The following RGS6 variants were observed in gnomAD, a reference collection of about 807,000 sequenced individuals.
The protein encoded by RGS6 is regulator of G protein signaling 6, also known as regulator of G-protein signaling 6.
RGS6 carries 30 observed loss-of-function variants against 78.5 expected under a neutral mutation model. The ratio of observed to expected loss-of-function variants is 0.38; its 90% CI spans 0.29 to 0.52. RGS6 has a LOEUF of 0.52. Ranked by LOEUF, RGS6 falls within the 20% of genes least tolerant of loss-of-function variation. The pLI, the probability that RGS6 is intolerant of heterozygous loss-of-function variation, is 0.85. For synonymous variants in RGS6, 206 were observed against 206.0 expected (o/e 1.00, Z 0.00); for missense variants, 495 against 609.7 (o/e 0.81, Z 1.98).
At chr14:72,383,803 G>T (rs530649166) in intron 3 of RGS6, among the ~76,000 whole-genome samples, 5 of 151,558 alleles carry the variant, frequency 3.3e-5, no homozygotes, top group African/African-American at 9.7e-5. Flanking sequence ...TTCAAAGGGT[G>T]GGGGGGGACG....
intron 2 of RGS6, among the ~76,000 whole-genome samples, chr14:72,119,255 A>G (rs1401783719): frequency 4.6e-5 from 7 of 152,156 alleles, no homozygotes; most frequent in African/African-American, 7.2e-5. Flanking sequence ...GCTTTTTAAC[A>G]CAGTTGAAGA....
intron 2 of RGS6, among the ~76,000 whole-genome samples, chr14:71,992,011 G>T (rs965068735): frequency 7.2e-6 from 1 of 138,220 alleles, no homozygotes; most frequent in Admixed American, 8.2e-5. Flanking sequence ...GCCTATGCTT[G>T]TCTAGAATAT....
At chr14:72,295,432 C>T (rs1382485627) in intron 2 of RGS6, among the ~76,000 whole-genome samples, 1 of 152,110 alleles carries the variant, frequency 6.6e-6, no homozygotes, top group African/African-American at 2.4e-5. Flanking sequence ...CTCCCCAGAT[C>T]CGGCTGGCCC....
rs867117534 is a variant in RGS6 at position 72,122,257 on chromosome 14, G to A, written c.84+157382G>A. On this transcript the variant is annotated intron_variant, in intron 2 of 17. Coordinates refer to ENST00000553525, the MANE Select transcript of RGS6 (RefSeq NM_001204424.2). ...TCTGACTGGGTCAGGTAGCCACTGA[G>A]CAAACTGGAATAGGCCTTTCTGCAG... Among the ~76,000 whole-genome samples, 5 of 152,146 alleles carry A rather than the reference G, an allele frequency of 3.3e-5. No homozygotes were observed. The South Asian group carries it at 1.0e-3, about 32-fold the overall frequency.
At chr14:72,387,235 T>A (rs1165347790) in intron 3 of RGS6, among the ~76,000 whole-genome samples, 1 of 152,126 alleles carries the variant, frequency 6.6e-6, no homozygotes, top group Non-Finnish European at 1.5e-5. Context: ...CTAAATCCAA[T>A]GGCTGGTTTC....
At chr14:72,417,926 T>C (rs929735207) in intron 3 of RGS6, among the ~76,000 whole-genome samples, 5 of 152,194 alleles carry the variant, frequency 3.3e-5, no homozygotes, top group Non-Finnish European at 7.4e-5. Flanking sequence ...GCTCAGGCTG[T>C]ACTTTAAGCT....
chr14:72,465,810 A>G lies in RGS6; in HGVS notation c.447A>G (p.Ala149=). Residue 149 remains alanine (A), a synonymous_variant, in exon 7 of 18, where the codon GCA becomes GCG. Coordinates refer to ENST00000553525, the MANE Select transcript of RGS6 (RefSeq NM_001204424.2). ...AAAATAAAGCAAGGCTGGAACTGGC[A>G]GATTATGAAGCAGTAAGTATGATTA... ...TMQNKARLEL[A]DYEAENLARL... The G allele has an allele frequency of 6.2e-7, 1 of 1,612,842 alleles. No individual in the cohort carries two copies. Among genetic ancestry groups the G allele is most frequent in the Non-Finnish European group, 8.5e-7 (1 of 1,178,826 alleles).
At chr14:72,552,246 G>A (rs2097518735) in intron 17 of RGS6, among the ~76,000 whole-genome samples, 1 of 152,216 alleles carries the variant, frequency 6.6e-6, no homozygotes, top group Non-Finnish European at 1.5e-5. Flanking sequence ...TCAACTCAGA[G>A]AGTTAGTTTT....
intron 15 of RGS6, among the ~76,000 whole-genome samples, chr14:72,531,730 T>A (rs761562123): frequency 3.7e-4 from 56 of 152,362 alleles, no homozygotes; most frequent in Admixed American, 7.2e-4. Context: ...TTTTGATATA[T>A]GTATACATTG....
At chr14:72,019,626 G>A (rs1004996133) in intron 2 of RGS6, among the ~76,000 whole-genome samples, 3 of 151,370 alleles carry the variant, frequency 2.0e-5, no homozygotes, top group African/African-American at 4.9e-5. Context: ...AGATAATACT[G>A]TCATGCATGT....
chr14:72,288,009 T>A (rs1474725599), intron 2 of RGS6, among the ~76,000 whole-genome samples: 1 of 152,216 alleles, frequency 6.6e-6, no homozygotes, highest in East Asian at 1.9e-4. Flanking sequence ...TAGGTGAGAC[T>A]TTTTACATCT....
At chr14:72,496,441 A>G (rs1209095086) in intron 13 of RGS6, among the ~76,000 whole-genome samples, 1 of 152,268 alleles carries the variant, frequency 6.6e-6, no homozygotes, top group Non-Finnish European at 1.5e-5. Context: ...AGCAGTCACT[A>G]TGATAAAAAG....
chr14:72,099,103 T>C (rs956873707), intron 2 of RGS6, among the ~76,000 whole-genome samples: 1 of 152,202 alleles, frequency 6.6e-6, no homozygotes, highest in Non-Finnish European at 1.5e-5. Flanking sequence ...TATAAACTCA[T>C]TGATCTCACA....
At chr14:72,470,883 A>G (rs962946567) in intron 8 of RGS6, among the ~76,000 whole-genome samples, 3 of 150,648 alleles carry the variant, frequency 2.0e-5, no homozygotes, top group African/African-American at 7.4e-5. Flanking sequence ...CCCTCTCAAA[A>G]AAAAAAAAAA....
At chr14:71,899,610 T>C in the RGS6 span, among the ~76,000 whole-genome samples, 2 of 152,244 alleles carry the variant, frequency 1.3e-5, no homozygotes, top group Non-Finnish European at 2.9e-5. Flanking sequence ...CCTAAACCAA[T>C]CAATATGTGC....
intron 2 of RGS6, among the ~76,000 whole-genome samples, chr14:72,099,192 C>G (rs2095476398): frequency 6.6e-6 from 1 of 152,232 alleles, no homozygotes; most frequent in Non-Finnish European, 1.5e-5. Flanking sequence ...AATGGAGTCT[C>G]TCTGTCACCC....
In RGS6 at chr14:72,224,939, C is replaced by T. The variant is rs865857299; in HGVS notation, c.85-127156C>T. The stretch of plus-strand genomic sequence containing the variant: ...CAAAACTGAGGAATTCAGCAGTCCT[C>T]GAGGCCTCGACTCACACCTTTAAAT... On this transcript the variant is annotated intron_variant, in intron 2 of 17. Coordinates refer to ENST00000553525, the MANE Select transcript of RGS6 (RefSeq NM_001204424.2). Among the ~76,000 whole-genome samples the T allele has an allele frequency of 3.3e-5, 5 of 152,226 alleles. No individual in the cohort carries two copies. The South Asian group carries it at 1.0e-3, about 32-fold the overall frequency.
chr14:72,193,407 C>A (rs551063017), intron 2 of RGS6, among the ~76,000 whole-genome samples: 6 of 152,322 alleles, frequency 3.9e-5, no homozygotes, highest in Admixed American at 2.0e-4. Context: ...TCCCCATAGT[C>A]AGTGCAGGAG....
the RGS6 span, among the ~76,000 whole-genome samples, chr14:72,587,217 CTG>C: frequency 3.6e-4 from 54 of 152,096 alleles, no homozygotes; most frequent in Non-Finnish European, 7.2e-4. Flanking sequence ...GACTTAAAGA[CTG>C]AGAACTGAAA....
Sources: gnomAD v4.1 joint callset for allele counts (sites outside exome capture counted in the v4.1 genomes callset) on GRCh38, gnomAD v4.1.1 for gene constraint, MANE v1.5 for transcripts, NCBI Gene and HGNC (gene_info 2026-07-23, HGNC 2026-07-21) for gene names.